PAWR: variants seen among roughly 807,000 people sequenced by gnomAD.
The protein encoded by PAWR is pro-apoptotic WT1 regulator.
PAWR carries 23 observed loss-of-function variants against 32.0 expected under a neutral mutation model. The observed-to-expected ratio is 0.72, with a 90% CI of 0.52 to 1.02. PAWR has a LOEUF of 1.02. Ranked by LOEUF, PAWR falls within the 50% of genes least tolerant of loss-of-function variation. The pLI, the probability that PAWR is intolerant of heterozygous loss-of-function variation, is 0.00. For missense variants in PAWR, 457 were observed against 437.7 expected (o/e 1.04, Z -0.39); for synonymous variants, 226 against 187.1 (o/e 1.21, Z -1.70).
At position 79,605,847 on chromosome 12, in the gene PAWR, C is replaced by G. The variant is rs139502059; in HGVS notation, c.683+7728G>C. On this transcript the variant is annotated intron_variant, in intron 4 of 6. Transcript: ENST00000328827. ...CCAGCACTTTGGGAGGCCAAGGCAG[C>G]CAGATCACTTGAGGCCAGGATTTCA... Among the ~76,000 whole-genome samples the G allele has an allele frequency of 4.1e-3, 623 of 152,114 alleles. 12 individuals are homozygous for G. The highest frequency in any genetic ancestry group is 0.014 in the African/African-American group (591 of 41,492).
rs1305549841 is a variant in PAWR, at chr12:79,689,966, G to A, written c.279C>T (p.Val93=). The A allele has an allele frequency of 5.1e-6, 7 of 1,372,870 alleles. No homozygotes were observed. In the East Asian group the frequency reaches 2.2e-4, roughly 42 times the overall value. The allele number at this position is 1,372,870 out of a possible 1,614,324, so 85.0% of individuals were successfully genotyped here. The part of the protein sequence containing the change: ...VPGPGGVNCA[V]GSAMLTRAAP... Reference sequence around the variant, plus strand: ...CCGCCCGCGTCAGCATGGCGGAGCCGACCGCGCAGTTCACGCCCCCGGGAC... The same window carrying A: ...CCGCCCGCGTCAGCATGGCGGAGCCAACCGCGCAGTTCACGCCCCCGGGAC... Residue 93 remains valine (V), a synonymous_variant, in exon 2 of 7, where the codon GTC becomes GTT. Transcript: ENST00000328827.
At position 79,607,153 on chromosome 12, in the gene PAWR, G is replaced by A. The variant is rs573558455; in HGVS notation, c.683+6422C>T. ...GAAATAATAGATCTTGCCAGGCATG[G>A]TGGCTCACGCCTGTAATCCCAGCAC... On this transcript the variant is annotated intron_variant, in intron 4 of 6. Coordinates refer to ENST00000328827, the MANE Select transcript of PAWR (RefSeq NM_002583.4). Among the ~76,000 whole-genome samples, 6 of 152,226 alleles carry A rather than the reference G, an allele frequency of 3.9e-5. No homozygotes were observed. In the East Asian group the frequency reaches 1.2e-3, roughly 29 times the overall value.
chr12:79,638,790 G>GGGGTGTGTGTGTGTGT (rs373489759), intron 2 of PAWR, among the ~76,000 whole-genome samples: 9 of 105,272 alleles, frequency 8.5e-5, no homozygotes, highest in African/African-American at 3.4e-4. Context: ...TTATATTTGG[G>GGGGTGTGTGTGTGTGT]GTGTGTGTGT....
intron 2 of PAWR, among the ~76,000 whole-genome samples, chr12:79,674,426 A>C (rs953294917): frequency 7.2e-5 from 11 of 152,278 alleles, no homozygotes; most frequent in Admixed American, 7.2e-4. Flanking sequence ...CTAAAGGCTT[A>C]AATGTAAAAC....
intron 2 of PAWR, among the ~76,000 whole-genome samples, chr12:79,681,518 TA>T (rs1226137411): frequency 1.3e-5 from 2 of 152,148 alleles, no homozygotes; most frequent in African/African-American, 4.8e-5. Flanking sequence ...AATAACATCA[TA>T]AAAATACTCA....
intron 2 of PAWR, among the ~76,000 whole-genome samples, chr12:79,649,502 T>C (rs761528687): frequency 5.3e-5 from 8 of 152,142 alleles, no homozygotes; most frequent in African/African-American, 7.2e-5. Flanking sequence ...AATAAGGAAA[T>C]AGAGCTAGTC....
At chr12:79,670,465 G>GAA (rs34804169) in intron 2 of PAWR, among the ~76,000 whole-genome samples, 1 of 148,252 alleles carries the variant, frequency 6.7e-6, no homozygotes, top group African/African-American at 2.4e-5. Context: ...TTTTCTTGGG[G>GAA]AAAAAAAAAA....
At chr12:79,681,159 G>A (rs1171968011) in intron 2 of PAWR, among the ~76,000 whole-genome samples, 1 of 127,424 alleles carries the variant, frequency 7.8e-6, no homozygotes, top group Non-Finnish European at 1.7e-5. Context: ...GAGGGGAGGG[G>A]AGGGGAGGAA....
At chr12:79,675,459 C>T (rs2136866009) in intron 2 of PAWR, among the ~76,000 whole-genome samples, 1 of 152,230 alleles carries the variant, frequency 6.6e-6, no homozygotes, top group African/African-American at 2.4e-5. Flanking sequence ...GCACTATTCA[C>T]AATAGCAAAG....
At position 79,689,936 on chromosome 12, in the gene PAWR, G is replaced by C; in HGVS notation, c.309C>G (p.Pro103=). Residue 103 remains proline, a synonymous_variant, in exon 2 of 7, where the codon CCC becomes CCG. Transcript: ENST00000328827. ...GCTCGTCCTCCGACCGCCGCGGGCC[G>C]GGGGCCGCCCGCGTCAGCATGGCGG... ...VGSAMLTRAA[P]GPRRSEDEPP... is the part of the protein sequence containing the mutation. 1 of 1,404,974 alleles carries C rather than the reference G, an allele frequency of 7.1e-7. No homozygotes were observed. Among genetic ancestry groups the C allele is most frequent in the Non-Finnish European group, 9.2e-7 (1 of 1,085,612 alleles). 87.0% of individuals were successfully genotyped at this position (1,404,974 alleles called of 1,614,324 possible).
intron 4 of PAWR, among the ~76,000 whole-genome samples, chr12:79,611,423 C>G (rs1401577752): frequency 6.6e-6 from 1 of 151,294 alleles, no homozygotes; most frequent in Non-Finnish European, 1.5e-5. Flanking sequence ...ATCTTTTACT[C>G]TATTCTCCCT....
At chr12:79,626,235 A>C (rs1264939282) in intron 2 of PAWR, among the ~76,000 whole-genome samples, 1 of 151,066 alleles carries the variant, frequency 6.6e-6, no homozygotes, top group African/African-American at 2.4e-5. Context: ...TATCAACAGA[A>C]ACTATACAAG....
chr12:79,639,916 T>TTCCATTCCATTCC (rs1566014467), intron 2 of PAWR, among the ~76,000 whole-genome samples: 27 of 122,230 alleles, frequency 2.2e-4, no homozygotes, highest in African/African-American at 1.7e-3. Flanking sequence ...CATTCCATTC[T>TTCCATTCCATTCC]ATTCTAGAGA....
chr12:79,631,911 T>C (rs954005676), intron 2 of PAWR, among the ~76,000 whole-genome samples: 4 of 152,094 alleles, frequency 2.6e-5, no homozygotes, highest in East Asian at 3.9e-4. Flanking sequence ...GGCAGGTGGA[T>C]TGCCTGAGCT....
At chr12:79,661,248 C>CAAAAA (rs397967995) in intron 2 of PAWR, among the ~76,000 whole-genome samples, 3 of 71,444 alleles carry the variant, frequency 4.2e-5, no homozygotes, top group African/African-American at 1.1e-4. Context: ...GACTCTGTCT[C>CAAAAA]AAAAAAAAAA....
Position 79,596,598 on chromosome 12 carries a change from C to A in PAWR, c.744G>T (p.Gly248=), listed in dbSNP as rs775296487. The A allele has an allele frequency of 7.5e-6, 12 of 1,593,812 alleles. No homozygotes were observed. The highest frequency in any genetic ancestry group is 2.2e-5 in the East Asian group (1 of 44,576). ...TTGCATCCCTGTTATATCTAGGGAACCCACTTCTATCTGTTCGAGAATATC... is the reference window on the plus strand; with the variant it reads ...TTGCATCCCTGTTATATCTAGGGAAACCACTTCTATCTGTTCGAGAATATC... The part of the protein sequence containing the change: ...SSRYSRTDRS[G]FPRYNRDANV... The change falls in exon 5 of 7, where the codon GGG becomes GGT. Residue 248 remains glycine (G), a synonymous_variant. Transcript: ENST00000328827.
intron 4 of PAWR, chr12:79,604,339 T>A (rs1202356438): frequency 9.9e-7 from 1 of 1,006,298 alleles, no homozygotes; most frequent in Non-Finnish European, 1.2e-6. Context: ...TTACTGGAAG[T>A]TTTCCCCCTC....
intron 2 of PAWR, among the ~76,000 whole-genome samples, chr12:79,648,350 A>C (rs1314886822): frequency 6.6e-6 from 1 of 152,104 alleles, no homozygotes; most frequent in Admixed American, 6.5e-5. Context: ...AGACTTAATT[A>C]CATTGCTGGT....
chr12:79,621,687 T>C (rs1875025722), intron 2 of PAWR, among the ~76,000 whole-genome samples: 1 of 152,158 alleles, frequency 6.6e-6, no homozygotes, highest in African/African-American at 2.4e-5. Context: ...TATTTTTACC[T>C]GGAGAGTTAG....
Sources: gnomAD v4.1 joint callset for allele counts (sites outside exome capture counted in the v4.1 genomes callset) on GRCh38, gnomAD v4.1.1 for gene constraint, MANE v1.5 for transcripts, NCBI Gene and HGNC (gene_info 2026-07-23, HGNC 2026-07-21) for gene names.